SIPA1L1: variants seen among roughly 807,000 people sequenced by gnomAD.
SIPA1L1 encodes the protein signal-induced proliferation-associated 1-like protein 1.
In SIPA1L1, 26 loss-of-function variants were observed where a neutral mutation model predicts 162.7. The ratio of observed to expected loss-of-function variants is 0.16; its 90% CI spans 0.12 to 0.22. SIPA1L1 has a LOEUF of 0.22. Ranked by LOEUF, SIPA1L1 falls within the 10% of genes least tolerant of loss-of-function variation. The pLI, the probability that SIPA1L1 is intolerant of heterozygous loss-of-function variation, is 1.00. For missense variants in SIPA1L1, 1,874 were observed against 2,241.0 expected, an observed-to-expected ratio of 0.84 and a Z score of 3.31; for synonymous variants, 829 against 837.4, an observed-to-expected ratio of 0.99 and a Z score of 0.17.
At chr14:71,503,182 A>G (rs2050390967) in intron 2 of SIPA1L1, among the ~76,000 whole-genome samples, 1 of 152,202 alleles carries the variant, frequency 6.6e-6, no homozygotes, top group Admixed American at 6.5e-5. Context: ...TGGAGTTCTT[A>G]TATCTAATAG....
chr14:71,344,599 G>T (rs1226373815), intron 2 of SIPA1L1, among the ~76,000 whole-genome samples: 1 of 152,154 alleles, frequency 6.6e-6, no homozygotes, highest in Non-Finnish European at 1.5e-5. Context: ...TCAGTCTGTT[G>T]CCCAGGCTGG....
chr14:71,671,395 G>A lies in SIPA1L1; in HGVS notation c.2532G>A (p.Lys844=). 19 of 1,614,190 alleles carry A rather than the reference G, an allele frequency of 1.2e-5. No individual in the cohort carries two copies. Among genetic ancestry groups the A allele is most frequent in the Non-Finnish European group, 1.6e-5 (19 of 1,180,044 alleles). Residue 844 remains lysine, a synonymous_variant, in exon 11 of 24, where the codon AAG becomes AAA. Coordinates refer to ENST00000381232, the MANE Select transcript of SIPA1L1 (RefSeq NM_001386936.1). ...CTCTGGCTTCCAAGAAGAAGGAAAA[G>A]TCTAAGCCATATCCAGGAGCCGAGC... ...FISLASKKKE[K]SKPYPGAELS... is the part of the protein sequence containing the mutation.
intron 2 of SIPA1L1, among the ~76,000 whole-genome samples, chr14:71,443,465 T>G (rs2045085377): frequency 6.6e-6 from 1 of 152,180 alleles, no homozygotes; most frequent in African/African-American, 2.4e-5. Context: ...TTTATGGGCT[T>G]TTGAATAAAT....
At chr14:71,699,693 A>G (rs1379754067) in intron 14 of SIPA1L1, among the ~76,000 whole-genome samples, 1 of 152,210 alleles carries the variant, frequency 6.6e-6, no homozygotes, top group Non-Finnish European at 1.5e-5. Context: ...AGGAGGCCAC[A>G]GTAGCTTTCT....
intron 2 of SIPA1L1, among the ~76,000 whole-genome samples, chr14:71,449,433 A>T (rs1005497060): frequency 6.6e-6 from 1 of 152,180 alleles, no homozygotes; most frequent in Non-Finnish European, 1.5e-5. Context: ...GTAATTTACT[A>T]CTGAGCTCCT....
intron 6 of SIPA1L1, among the ~76,000 whole-genome samples, chr14:71,619,802 A>C (rs1195490259): frequency 6.6e-6 from 1 of 152,216 alleles, no homozygotes; most frequent in Non-Finnish European, 1.5e-5. Flanking sequence ...GGCATCATTT[A>C]GTAATAGTTC....
chr14:71,514,219 T>C (rs1453685392), intron 3 of SIPA1L1, among the ~76,000 whole-genome samples: 1 of 152,192 alleles, frequency 6.6e-6, no homozygotes, highest in Non-Finnish European at 1.5e-5. Flanking sequence ...TGGGGTGTTA[T>C]ATGTTAGCAT....
chr14:71,368,227 G>A (rs866603603), intron 2 of SIPA1L1, among the ~76,000 whole-genome samples: 2,741 of 126,622 alleles, frequency 0.022, 59 homozygotes, highest in African/African-American at 0.077. Context: ...AGTTACATAT[G>A]TATACATGTG....
chr14:71,532,019 TG>T (rs1314561821), intron 4 of SIPA1L1, among the ~76,000 whole-genome samples: 17 of 152,148 alleles, frequency 1.1e-4, no homozygotes, highest in African/African-American at 2.7e-4. Context: ...ATTTCTGTTT[TG>T]TTTTTTTTTC....
intron 20 of SIPA1L1, among the ~76,000 whole-genome samples, chr14:71,733,247 T>C (rs1029730710): frequency 6.6e-6 from 1 of 152,154 alleles, no homozygotes; most frequent in Non-Finnish European, 1.5e-5. Context: ...TCCCCTCTAG[T>C]AGGAAGAAAC....
rs111586368 is a variant in SIPA1L1 at position 71,382,960 on chromosome 14, C to T, written c.-465+61779C>T. The stretch of plus-strand genomic sequence containing the variant: ...TAAAGGATGGAGAAACACTGATTTC[C>T]CCAATGAATAGAGGGAGTGAAGGCT... On this transcript the variant is annotated intron_variant, in intron 2 of 23. Coordinates refer to ENST00000381232, the MANE Select transcript of SIPA1L1 (RefSeq NM_001386936.1). 4.1e-3 allele frequency among the ~76,000 whole-genome samples: 623 copies of T among 151,920 alleles called. 6 individuals are homozygous for T. The highest frequency in any genetic ancestry group is 0.014 in the African/African-American group (593 of 41,398).
chr14:71,684,963 G>C (rs551328093), intron 12 of SIPA1L1, among the ~76,000 whole-genome samples: 37 of 152,284 alleles, frequency 2.4e-4, no homozygotes, highest in African/African-American at 7.0e-4. Flanking sequence ...TCAGAACCCA[G>C]TTGTGGTGTG....
At chr14:71,589,657 A>T (rs139330671) in intron 5 of SIPA1L1, among the ~76,000 whole-genome samples, 3 of 152,260 alleles carry the variant, frequency 2.0e-5, no homozygotes, top group Admixed American at 2.0e-4. Context: ...TGTACAGTAG[A>T]TTTGCTGTGT....
intron 2 of SIPA1L1, among the ~76,000 whole-genome samples, chr14:71,357,410 C>A (rs1210842903): frequency 2.0e-5 from 3 of 152,170 alleles, no homozygotes; most frequent in African/African-American, 7.2e-5. Context: ...GTAAGGCCGC[C>A]TGATTTCATA....
chr14:71,365,918 G>C (rs1555405465), intron 2 of SIPA1L1, among the ~76,000 whole-genome samples: 1 of 126,588 alleles, frequency 7.9e-6, no homozygotes. Context: ...AAGAGATGGG[G>C]TTTTGCCATC....
At chr14:71,329,420 G>GTTT (rs34647020) in intron 2 of SIPA1L1, among the ~76,000 whole-genome samples, 2 of 135,224 alleles carry the variant, frequency 1.5e-5, no homozygotes, top group Non-Finnish European at 1.6e-5. Flanking sequence ...CTTATTTTCT[G>GTTT]TTTTTTTTTT....
intron 4 of SIPA1L1, among the ~76,000 whole-genome samples, chr14:71,542,580 CCTTCTT>C (rs893033417): frequency 7.2e-6 from 1 of 138,642 alleles, no homozygotes; most frequent in Non-Finnish European, 1.6e-5. Flanking sequence ...TCTTCCTCCT[CCTTCTT>C]CTTCCTCCTC....
chr14:71,448,651 ACT>A (rs1479431631), intron 2 of SIPA1L1: 1 of 151,844 alleles, frequency 6.6e-6, no homozygotes, highest in Non-Finnish European at 1.5e-5. Flanking sequence ...TAGCCAAGAG[ACT>A]CTTCATAACA....
chr14:71,555,637 T>A (rs1273820947), intron 4 of SIPA1L1, among the ~76,000 whole-genome samples: 1 of 152,240 alleles, frequency 6.6e-6, no homozygotes, highest in African/African-American at 2.4e-5. Context: ...TTTCAGCCTC[T>A]CAACTTTCAA....
Sources: allele counts gnomAD v4.1 joint callset (sites outside exome capture counted in the v4.1 genomes callset), GRCh38; gene constraint gnomAD v4.1.1; transcripts MANE v1.5; gene names NCBI Gene and HGNC (gene_info 2026-07-23, HGNC 2026-07-21).